The following PELI2 variants were observed in gnomAD, a reference collection of about 807,000 sequenced individuals.
The protein encoded by PELI2 is pellino E3 ubiquitin protein ligase family member 2.
PELI2 carries 23 observed loss-of-function variants against 42.3 expected under a neutral mutation model. The ratio of observed to expected loss-of-function variants is 0.54; its 90% CI spans 0.39 to 0.77. The LOEUF (loss-of-function observed/expected upper bound fraction) is 0.77. Ranked by LOEUF, PELI2 falls within the 30% of genes least tolerant of loss-of-function variation. The pLI is 0.00. For missense variants in PELI2, 463 were observed against 553.2 expected (o/e 0.84, Z 1.64); for synonymous variants, 245 against 212.2 (o/e 1.15, Z -1.34).
intron 2 of PELI2, among the ~76,000 whole-genome samples, chr14:56,179,810 T>C (rs915789689): frequency 6.6e-6 from 1 of 152,222 alleles, no homozygotes; most frequent in African/African-American, 2.4e-5. Context: ...AGAAATGTTC[T>C]GGTATTTAGA....
At chr14:56,166,390 A>G (rs985156846) in intron 1 of PELI2, among the ~76,000 whole-genome samples, 1 of 152,216 alleles carries the variant, frequency 6.6e-6, no homozygotes, top group Non-Finnish European at 1.5e-5. Flanking sequence ...TACTTAGGAT[A>G]AGAGTAGTTT....
intron 1 of PELI2, among the ~76,000 whole-genome samples, chr14:56,142,097 T>A (rs1883933884): frequency 6.6e-6 from 1 of 152,182 alleles, no homozygotes; most frequent in Non-Finnish European, 1.5e-5. Context: ...TGTGGGCTCA[T>A]AACTTCAGAT....
intron 1 of PELI2, among the ~76,000 whole-genome samples, chr14:56,142,645 C>A (rs1315131701): frequency 1.3e-5 from 2 of 151,658 alleles, no homozygotes; most frequent in Non-Finnish European, 2.9e-5. Context: ...CAGTTTAGTT[C>A]CTTTTCATTG....
intron 1 of PELI2, among the ~76,000 whole-genome samples, chr14:56,172,152 A>G (rs1208715381): frequency 2.0e-5 from 3 of 152,212 alleles, no homozygotes; most frequent in African/African-American, 7.2e-5. Flanking sequence ...TACTTAATGC[A>G]CAATTCTGTG....
intron 1 of PELI2, among the ~76,000 whole-genome samples, chr14:56,139,943 T>C (rs771376650): frequency 4.5e-5 from 5 of 112,250 alleles, no homozygotes; most frequent in Non-Finnish European, 7.3e-5. Context: ...GGGCAGCTCA[T>C]TGCTGTTAAA....
intron 1 of PELI2, among the ~76,000 whole-genome samples, chr14:56,132,397 T>G (rs1883522651): frequency 6.6e-6 from 1 of 152,220 alleles, no homozygotes; most frequent in African/African-American, 2.4e-5. Flanking sequence ...CAGGAGGATG[T>G]AACTTAATGT....
chr14:56,134,512 G>T (rs1883614024), intron 1 of PELI2, among the ~76,000 whole-genome samples: 1 of 151,812 alleles, frequency 6.6e-6, no homozygotes. Context: ...CCTTTCCTTT[G>T]ATTCTTAGAG....
chr14:56,297,461 A>ATTTT lies in PELI2; in HGVS notation c.*295_*296insTTTT. The ATTTT allele has an allele frequency of 4.1e-6, 1 of 243,678 alleles. No homozygotes were observed. Among genetic ancestry groups the ATTTT allele is most frequent in the Non-Finnish European group, 7.5e-6 (1 of 133,502 alleles). The allele number at this position is 243,678 out of a possible 1,614,324, so 15.1% of individuals were successfully genotyped here. A position where few individuals can be genotyped will look rare whatever the true frequency, so the allele number is the denominator to read the frequency against. ...ATTTTTAACCTTGGGTTTTTAACCA[A>ATTTT]GTTTTTTTTTTTTTGTAATCTTGGA... is the stretch of plus-strand genomic sequence containing the variant. On this transcript the variant is annotated 3_prime_UTR_variant, in exon 6 of 6. Coordinates refer to ENST00000267460, the MANE Select transcript of PELI2 (RefSeq NM_021255.3).
chr14:56,248,536 G>C (rs1282747899), intron 2 of PELI2, among the ~76,000 whole-genome samples: 1 of 152,084 alleles, frequency 6.6e-6, no homozygotes, highest in Non-Finnish European at 1.5e-5. Context: ...GGCTGGCAGG[G>C]AGCCTTGGTG....
chr14:56,193,666 A>G (rs968497188), intron 2 of PELI2, among the ~76,000 whole-genome samples: 1 of 152,226 alleles, frequency 6.6e-6, no homozygotes, highest in Non-Finnish European at 1.5e-5. Context: ...AAAAATCCAT[A>G]TGAGTTAATC....
intron 1 of PELI2, among the ~76,000 whole-genome samples, chr14:56,173,561 A>G (rs1017466191): frequency 6.6e-6 from 1 of 152,106 alleles, no homozygotes; most frequent in Non-Finnish European, 1.5e-5. Flanking sequence ...ACAACAACAG[A>G]TGTTCATTCT....
At chr14:56,161,246 T>G (rs2139639783) in intron 1 of PELI2, among the ~76,000 whole-genome samples, 1 of 152,276 alleles carries the variant, frequency 6.6e-6, no homozygotes, top group East Asian at 1.9e-4. Context: ...CCTGTTGTGC[T>G]TTCTAAGTCC....
At chr14:56,222,354 A>G (rs192702892) in intron 2 of PELI2, among the ~76,000 whole-genome samples, 111 of 152,342 alleles carry the variant, frequency 7.3e-4, no homozygotes, top group African/African-American at 2.5e-3. Flanking sequence ...TGCCTAAGGC[A>G]GATTTTCCTT....
At chr14:56,239,992 C>G (rs1887918570) in intron 2 of PELI2, among the ~76,000 whole-genome samples, 1 of 152,174 alleles carries the variant, frequency 6.6e-6, no homozygotes, top group South Asian at 2.1e-4. Context: ...TCAAACTCAG[C>G]CTCCCCTTCT....
intron 2 of PELI2, among the ~76,000 whole-genome samples, chr14:56,221,880 C>G (rs538658205): frequency 4.6e-5 from 7 of 152,280 alleles, no homozygotes; most frequent in African/African-American, 1.7e-4. Flanking sequence ...TACTGATGAG[C>G]TTAGCATACG....
intron 2 of PELI2, among the ~76,000 whole-genome samples, chr14:56,220,956 T>C (rs1887106905): frequency 6.6e-6 from 1 of 152,200 alleles, no homozygotes; most frequent in African/African-American, 2.4e-5. Context: ...TCAGCAGTGC[T>C]GTGAAGGAGA....
In PELI2 at chr14:56,220,551, C is replaced by T. The variant is rs149466046; in HGVS notation, c.207+42087C>T. 5.7e-4 allele frequency among the ~76,000 whole-genome samples: 86 copies of T among 152,146 alleles called. 1 individual carries two copies. The East Asian group carries it at 0.015, about 27-fold the overall frequency. Reference sequence around the variant, plus strand: ...AAGGACAACGCTGATTCCAATACTACGTGTGATTGTGCCAAAAAATCATGA... The same window carrying T: ...AAGGACAACGCTGATTCCAATACTATGTGTGATTGTGCCAAAAAATCATGA... On this transcript the variant is annotated intron_variant, in intron 2 of 5. Transcript: ENST00000267460.
At chr14:56,224,874 C>T (rs1431944691) in intron 2 of PELI2, among the ~76,000 whole-genome samples, 1 of 152,112 alleles carries the variant, frequency 6.6e-6, no homozygotes, top group African/African-American at 2.4e-5. Flanking sequence ...TCCTGTCTGC[C>T]TCAGCTCCCT....
intron 2 of PELI2, among the ~76,000 whole-genome samples, chr14:56,245,970 C>T (rs1016348079): frequency 6.6e-6 from 1 of 152,150 alleles, no homozygotes; most frequent in East Asian, 1.9e-4. Context: ...TGCAGGAGTC[C>T]TGGAACCAGT....
Sources: gnomAD v4.1 joint callset for allele counts (sites outside exome capture counted in the v4.1 genomes callset) on GRCh38, gnomAD v4.1.1 for gene constraint, MANE v1.5 for transcripts, NCBI Gene and HGNC (gene_info 2026-07-23, HGNC 2026-07-21) for gene names.